CCDC178: variants seen among roughly 807,000 people sequenced by gnomAD.
The protein encoded by CCDC178 is coiled-coil domain containing 178, also known as coiled-coil domain-containing protein 178.
Under a neutral mutation model 117.4 loss-of-function variants are expected in CCDC178, and 126 were observed. That is an observed-to-expected ratio of 1.07 (90% CI 0.93 to 1.24). CCDC178 has a LOEUF of 1.24. Among genes scored for constraint, CCDC178 ranks in the 50% most tolerant of loss-of-function variants. CCDC178 has a pLI of 0.00. For synonymous variants in CCDC178, 283 were observed against 313.4 expected, an observed-to-expected ratio of 0.90 and a Z score of 1.02; for missense variants, 1,030 against 986.9, an observed-to-expected ratio of 1.04 and a Z score of -0.59.
chr18:32,944,737 CAT>C (rs1191259528), intron 22 of CCDC178, among the ~76,000 whole-genome samples: 1 of 152,136 alleles, frequency 6.6e-6, no homozygotes, highest in Non-Finnish European at 1.5e-5. Context: ...CCATAATTCC[CAT>C]GTGTTGTGGG....
At chr18:33,205,009 A>G (rs2059032106) in intron 20 of CCDC178, among the ~76,000 whole-genome samples, 1 of 152,062 alleles carries the variant, frequency 6.6e-6, no homozygotes, top group African/African-American at 2.4e-5. Flanking sequence ...GAGTAAGGTA[A>G]AAGTTTTGAT....
chr18:33,034,143 AT>A (rs1195307872), intron 21 of CCDC178, among the ~76,000 whole-genome samples: 1 of 151,864 alleles, frequency 6.6e-6, no homozygotes. Flanking sequence ...CACACTTTGC[AT>A]TTCTGTCTAT....
At chr18:33,388,771 G>A (rs1230503163) in intron 5 of CCDC178, among the ~76,000 whole-genome samples, 3 of 151,584 alleles carry the variant, frequency 2.0e-5, no homozygotes, top group Admixed American at 2.0e-4. Flanking sequence ...CGCCCGCCTC[G>A]GCCTCCCAAA....
At chr18:32,965,718 T>A (rs892046878) in intron 22 of CCDC178, among the ~76,000 whole-genome samples, 1 of 151,684 alleles carries the variant, frequency 6.6e-6, no homozygotes, top group African/African-American at 2.4e-5. Flanking sequence ...CTCAACAGAA[T>A]ATGAAAGTTT....
chr18:33,010,875 G>GCT (rs1568215665), intron 21 of CCDC178, among the ~76,000 whole-genome samples: 2 of 152,114 alleles, frequency 1.3e-5, no homozygotes. Flanking sequence ...TTCCTTTCTT[G>GCT]CTCTTCAACC....
intron 15 of CCDC178, among the ~76,000 whole-genome samples, chr18:33,241,159 A>G (rs1443096627): frequency 6.6e-6 from 1 of 151,952 alleles, no homozygotes; most frequent in Admixed American, 6.6e-5. Flanking sequence ...TTCATGATAA[A>G]ACCTCATAAT....
intron 21 of CCDC178, among the ~76,000 whole-genome samples, chr18:32,984,017 C>CA (rs1424078466): frequency 6.6e-6 from 1 of 151,894 alleles, no homozygotes; most frequent in Non-Finnish European, 1.5e-5. Flanking sequence ...ATACAAATAT[C>CA]AAAAGTAATG....
intron 16 of CCDC178, among the ~76,000 whole-genome samples, chr18:33,226,029 T>G (rs1413392267): frequency 6.6e-6 from 1 of 151,918 alleles, no homozygotes. Flanking sequence ...GGCATGGTGG[T>G]GCATGCCTGT....
rs2058645693 is a variant in CCDC178, at chr18:33,174,920, T to C, written c.2238+36976A>G. On this transcript the variant is annotated intron_variant, in intron 20 of 22. Coordinates refer to ENST00000383096, the MANE Select transcript of CCDC178 (RefSeq NM_001105528.4). ...CCCAGGCTGGAGTGCAGTGGCGTGATCTCAGCTCACTGCAACCTCTGCCTC... is the reference window on the plus strand; with the variant it reads ...CCCAGGCTGGAGTGCAGTGGCGTGACCTCAGCTCACTGCAACCTCTGCCTC... 2.0e-5 allele frequency among the ~76,000 whole-genome samples: 3 copies of C among 152,252 alleles called. No individual in the cohort carries two copies. The South Asian group carries it at 6.2e-4, about 32-fold the overall frequency.
At chr18:33,097,275 G>A (rs1180278131) in intron 20 of CCDC178, among the ~76,000 whole-genome samples, 1 of 152,100 alleles carries the variant, frequency 6.6e-6, no homozygotes, top group Non-Finnish European at 1.5e-5. Flanking sequence ...GAGGCCATGT[G>A]TAGGTGTTCC....
At chr18:33,173,958 G>A (rs529484413) in intron 20 of CCDC178, among the ~76,000 whole-genome samples, 13 of 152,058 alleles carry the variant, frequency 8.5e-5, no homozygotes, top group Non-Finnish European at 1.3e-4. Context: ...ATTAAGACAC[G>A]GAGAAGTTGT....
intron 2 of CCDC178, among the ~76,000 whole-genome samples, chr18:33,433,901 A>C (rs2064254391): frequency 6.6e-6 from 1 of 152,154 alleles, no homozygotes; most frequent in Non-Finnish European, 1.5e-5. Context: ...AAAAGGAAGT[A>C]ATGCTTTCAT....
chr18:33,400,399 T>C (rs748344069), intron 3 of CCDC178, among the ~76,000 whole-genome samples: 2 of 152,214 alleles, frequency 1.3e-5, no homozygotes, highest in Non-Finnish European at 2.9e-5. Flanking sequence ...CTAAGGCTGT[T>C]TTGCCTACAT....
At position 33,159,719 on chromosome 18, in the gene CCDC178, A is replaced by C. The variant is rs1203553278; in HGVS notation, c.2238+52177T>G. ...TTTTTCCAAGTAAGATTACATTCAC[A>C]GGTTCTGGTGATTAGGATGCAGATA... On this transcript the variant is annotated intron_variant, in intron 20 of 22. Transcript: ENST00000383096. Among the ~76,000 whole-genome samples the C allele has an allele frequency of 2.0e-5, 3 of 152,092 alleles. No individual in the cohort carries two copies. The East Asian group carries it at 5.8e-4, about 29-fold the overall frequency.
intron 22 of CCDC178, among the ~76,000 whole-genome samples, chr18:32,939,916 T>A (rs1187707558): frequency 1.3e-5 from 2 of 152,174 alleles, no homozygotes; most frequent in Non-Finnish European, 2.9e-5. Context: ...ATTTTGAATT[T>A]GTATGAAAAA....
chr18:33,054,701 T>C lies in CCDC178; in HGVS notation c.2388+38060A>G, dbSNP rs2056801000. ...TGGCATTTAGGTAGATTCTATGTCTTTGCTATTGTGAAGAGTGCTGCAGTG... is the reference window on the plus strand; with the variant it reads ...TGGCATTTAGGTAGATTCTATGTCTCTGCTATTGTGAAGAGTGCTGCAGTG... On this transcript the variant is annotated intron_variant, in intron 21 of 22. Transcript: ENST00000383096. Among the ~76,000 whole-genome samples, 2 of 152,230 alleles carry C rather than the reference T, an allele frequency of 1.3e-5. 1 individual carries two copies. Among genetic ancestry groups the C allele is most frequent in the South Asian group, 4.1e-4 (2 of 4,836 alleles).
chr18:33,025,110 G>C (rs1232808819), intron 21 of CCDC178, among the ~76,000 whole-genome samples: 1 of 152,082 alleles, frequency 6.6e-6, no homozygotes, highest in Non-Finnish European at 1.5e-5. Context: ...TGTATATAAA[G>C]AATTACAGAA....
chr18:33,292,035 C>A (rs1276065555), intron 12 of CCDC178, among the ~76,000 whole-genome samples: 59 of 129,248 alleles, frequency 4.6e-4, no homozygotes, highest in East Asian at 2.8e-3. Context: ...AAAAAAAAAA[C>A]CACTAAGAAA....
chr18:33,417,773 G>A (rs1183798851), intron 2 of CCDC178, among the ~76,000 whole-genome samples: 1 of 152,024 alleles, frequency 6.6e-6, no homozygotes, highest in East Asian at 1.9e-4. Context: ...AAAATAAAAA[G>A]CTTCTCAAGA....
Sources: gnomAD v4.1 joint callset for allele counts (sites outside exome capture counted in the v4.1 genomes callset) on GRCh38, gnomAD v4.1.1 for gene constraint, MANE v1.5 for transcripts, NCBI Gene and HGNC (gene_info 2026-07-23, HGNC 2026-07-21) for gene names.